The following PRKN variants were observed in gnomAD, a reference collection of about 807,000 sequenced individuals.
The protein encoded by PRKN is E3 ubiquitin-protein ligase parkin.
In PRKN, 56 loss-of-function variants were observed where a neutral mutation model predicts 59.5. That is an observed-to-expected ratio of 0.94 (90% CI 0.76 to 1.18). The LOEUF (loss-of-function observed/expected upper bound fraction) is 1.18. Ranked by LOEUF, PRKN falls within the 50% of genes most tolerant of loss-of-function variation. PRKN has a pLI of 0.00. For missense variants in PRKN, 657 were observed against 596.4 expected (o/e 1.10, Z -1.06); for synonymous variants, 250 against 222.1 (o/e 1.13, Z -1.12).
chr6:161,726,001 A>G (rs1003818828), intron 7 of PRKN, among the ~76,000 whole-genome samples: 6 of 152,184 alleles, frequency 3.9e-5, no homozygotes, highest in African/African-American at 1.4e-4. Flanking sequence ...TGACCATTAT[A>G]CCAGGAGAAG....
At chr6:161,595,040 T>C (rs1000414040) in intron 7 of PRKN, among the ~76,000 whole-genome samples, 9 of 152,210 alleles carry the variant, frequency 5.9e-5, no homozygotes, top group Non-Finnish European at 1.3e-4. Flanking sequence ...GGGTACCCTT[T>C]GTGCTATTCA....
intron 7 of PRKN, among the ~76,000 whole-genome samples, chr6:161,745,191 T>C (rs1204388413): frequency 2.0e-5 from 3 of 152,176 alleles, no homozygotes; most frequent in Non-Finnish European, 4.4e-5. Flanking sequence ...GAGTTTCTGA[T>C]CTAATCAGGG....
intron 5 of PRKN, among the ~76,000 whole-genome samples, chr6:162,048,101 G>A (rs1234531100): frequency 1.3e-5 from 2 of 152,090 alleles, no homozygotes; most frequent in South Asian, 4.2e-4. Flanking sequence ...TGATGTATAA[G>A]AGTTGAACTC....
In PRKN at chr6:161,545,125, C is replaced by CTTT; in HGVS notation, c.1083+3726_1083+3728dup. On this transcript the variant is annotated intron_variant, in intron 9 of 11. Transcript: ENST00000366898. This position sits in a 1 kb window ranked among gnomAD's most constrained non-coding sequence, Gnocchi z 4.1. ...AAATGACAGAGAATTTGGTTTTCAA[C>CTTT]TTTTTTATACGCGATTTTTTTTGTA... is the stretch of plus-strand genomic sequence containing the variant. The CTTT allele has an allele frequency of 1.6e-6, 2 of 1,265,722 alleles. No homozygotes were observed. The highest frequency in any genetic ancestry group is 2.0e-6 in the Non-Finnish European group (2 of 1,005,362). The allele number at this position is 1,265,722 out of a possible 1,614,324, so 78.4% of individuals were successfully genotyped here.
chr6:161,504,974 G>A lies in PRKN; in HGVS notation c.1083+43880C>T, dbSNP rs1290392973. Among the ~76,000 whole-genome samples the A allele has an allele frequency of 6.8e-5, 10 of 146,530 alleles. No individual in the cohort carries two copies. In the South Asian group the frequency reaches 9.0e-4, roughly 13 times the overall value. On this transcript the variant is annotated intron_variant, in intron 9 of 11. Transcript: ENST00000366898. ...AGTCTTTGCTATTGTGAATAGTGCTGCAATAAACATACGTGTGCATGTGTC... is the reference window on the plus strand; with the variant it reads ...AGTCTTTGCTATTGTGAATAGTGCTACAATAAACATACGTGTGCATGTGTC...
intron 4 of PRKN, among the ~76,000 whole-genome samples, chr6:162,187,609 G>T (rs1160409670): frequency 6.6e-6 from 1 of 152,096 alleles, no homozygotes; most frequent in African/African-American, 2.4e-5. Flanking sequence ...TTGTTTAGTT[G>T]GTTGTTTTCA....
At chr6:162,467,983 C>T (rs1216006350) in intron 1 of PRKN, among the ~76,000 whole-genome samples, 1 of 152,212 alleles carries the variant, frequency 6.6e-6, no homozygotes, top group Non-Finnish European at 1.5e-5. Context: ...ATGCCAGCTG[C>T]ACAGGTCTTC....
At chr6:161,908,761 T>C (rs1778245388) in intron 6 of PRKN, among the ~76,000 whole-genome samples, 1 of 152,152 alleles carries the variant, frequency 6.6e-6, no homozygotes, top group Non-Finnish European at 1.5e-5. Flanking sequence ...TATTTAAAAA[T>C]GCATCTCGAA....
chr6:161,881,535 C>T (rs768150), intron 6 of PRKN, among the ~76,000 whole-genome samples: 57,198 of 151,984 alleles, frequency 0.38, 11,096 homozygotes, highest in African/African-American at 0.47. Flanking sequence ...CCCTCCTGCA[C>T]TCGGTAAGGG....
intron 7 of PRKN, among the ~76,000 whole-genome samples, chr6:161,748,302 C>T (rs970767934): frequency 2.6e-5 from 4 of 151,472 alleles, no homozygotes; most frequent in Admixed American, 6.6e-5. Context: ...GAAGGAGACA[C>T]GTCTTTTTTT....
chr6:161,882,550 T>C (rs1282418387), intron 6 of PRKN, among the ~76,000 whole-genome samples: 1 of 152,292 alleles, frequency 6.6e-6, no homozygotes, highest in African/African-American at 2.4e-5. Context: ...GGCTCTGAGT[T>C]TGGGAGTTAA....
intron 6 of PRKN, among the ~76,000 whole-genome samples, chr6:161,827,137 C>T (rs2022991): frequency 0.65 from 98,732 of 152,022 alleles, 32,219 homozygotes; most frequent in Middle Eastern, 0.75. Flanking sequence ...ACACATCTTT[C>T]CACATCTCAG....
In PRKN at chr6:161,562,686, T is replaced by C. The variant is rs1237944244; in HGVS notation, c.933+6669A>G. Reference sequence around the variant, plus strand: ...GCCTCTGATCTCACCTGCCCCATTTTGCTCATCTCAGTCAAATAGAACTTT... The same window carrying C: ...GCCTCTGATCTCACCTGCCCCATTTCGCTCATCTCAGTCAAATAGAACTTT... On this transcript the variant is annotated intron_variant, in intron 8 of 11. Coordinates refer to ENST00000366898, the MANE Select transcript of PRKN (RefSeq NM_004562.3). This position sits in a 1 kb window ranked among gnomAD's most constrained non-coding sequence, Gnocchi z 4.3. 1.3e-5 allele frequency among the ~76,000 whole-genome samples: 2 copies of C among 152,192 alleles called. No individual in the cohort carries two copies. Among genetic ancestry groups the C allele is most frequent in the East Asian group, 3.9e-4 (2 of 5,182 alleles).
chr6:162,241,886 G>C (rs1779004343), intron 3 of PRKN, among the ~76,000 whole-genome samples: 1 of 151,982 alleles, frequency 6.6e-6, no homozygotes, highest in Non-Finnish European at 1.5e-5. Flanking sequence ...TAGTAAAGTA[G>C]AATTCCTTCT....
intron 7 of PRKN, among the ~76,000 whole-genome samples, chr6:161,570,426 A>C (rs573751617): frequency 6.7e-6 from 1 of 149,346 alleles, no homozygotes; most frequent in Non-Finnish European, 1.5e-5. Context: ...ATGGGCTTGA[A>C]CTTTGTGGGT....
chr6:162,637,655 C>T (rs551439674), intron 1 of PRKN, among the ~76,000 whole-genome samples: 2 of 152,222 alleles, frequency 1.3e-5, no homozygotes, highest in African/African-American at 4.8e-5. Flanking sequence ...TCTCTTTTCC[C>T]TATTAACTCT....
chr6:161,816,650 C>T (rs1331032300), intron 6 of PRKN, among the ~76,000 whole-genome samples: 1 of 151,880 alleles, frequency 6.6e-6, no homozygotes, highest in East Asian at 1.9e-4. Flanking sequence ...GTGTTCACAC[C>T]CCAGGAGTTG....
At chr6:161,601,874 G>A (rs905960035) in intron 7 of PRKN, among the ~76,000 whole-genome samples, 4 of 152,096 alleles carry the variant, frequency 2.6e-5, no homozygotes, top group Admixed American at 6.5e-5. Flanking sequence ...GAGCCACCGC[G>A]CCCGGCATAT....
intron 9 of PRKN, among the ~76,000 whole-genome samples, chr6:161,478,480 A>G (rs9458283): frequency 0.2 from 31,042 of 152,138 alleles, 3,676 homozygotes; most frequent in African/African-American, 0.33. Flanking sequence ...TTGATCTACA[A>G]AATACTTTCC....
Sources: gnomAD v4.1 joint callset for allele counts (sites outside exome capture counted in the v4.1 genomes callset) on GRCh38, gnomAD v4.1.1 for gene constraint, Gnocchi (gnomAD v3.1) non-coding constraint, MANE v1.5 for transcripts, NCBI Gene and HGNC (gene_info 2026-07-23, HGNC 2026-07-21) for gene names.